SV2C: variants seen among roughly 807,000 people sequenced by gnomAD.
The protein encoded by SV2C is solute carrier family 22 member B3.
In SV2C, 49 loss-of-function variants were observed where a neutral mutation model predicts 79.7. That is an observed-to-expected ratio of 0.61 (90% CI 0.49 to 0.78). SV2C has a LOEUF of 0.78. Among genes scored for constraint, SV2C ranks in the 30% least tolerant of loss-of-function variants. SV2C has a pLI of 0.00. For synonymous variants in SV2C, 334 were observed against 333.2 expected (o/e 1.00, Z -0.03); for missense variants, 833 against 912.9 (o/e 0.91, Z 1.13).
At chr5:75,975,104 C>A in the SV2C span, among the ~76,000 whole-genome samples, 1 of 152,112 alleles carries the variant, frequency 6.6e-6, no homozygotes, top group Non-Finnish European at 1.5e-5. Context: ...AGAAAGCATG[C>A]GACATCTGAC....
chr5:75,904,225 A>G, the SV2C span, among the ~76,000 whole-genome samples: 1 of 152,154 alleles, frequency 6.6e-6, no homozygotes, highest in South Asian at 2.1e-4. Flanking sequence ...ATATAAAAAT[A>G]TCATTTATTT....
At chr5:76,231,036 G>A (rs983345833) in intron 4 of SV2C, among the ~76,000 whole-genome samples, 1 of 152,188 alleles carries the variant, frequency 6.6e-6, no homozygotes, top group Admixed American at 6.5e-5. Flanking sequence ...CTCTCTGAAT[G>A]AAATTTCTCT....
the SV2C span, among the ~76,000 whole-genome samples, chr5:75,955,016 A>G: frequency 2.0e-5 from 3 of 147,138 alleles, no homozygotes; most frequent in Non-Finnish European, 1.5e-5. Context: ...GCTACCAATG[A>G]CTTTCTTCAC....
intron 12 of SV2C, among the ~76,000 whole-genome samples, chr5:76,308,222 G>A (rs1398569575): frequency 6.6e-6 from 1 of 152,144 alleles, no homozygotes; most frequent in African/African-American, 2.4e-5. Flanking sequence ...ATTACCAGGT[G>A]GACGTAGAAG....
downstream of SV2C, among the ~76,000 whole-genome samples, chr5:76,336,532 C>G (rs1487819287): frequency 1.3e-5 from 2 of 152,182 alleles, no homozygotes; most frequent in Non-Finnish European, 2.9e-5. Context: ...CCCGGGAGGC[C>G]AAGGCAGGCG....
At chr5:76,179,327 T>C (rs1743646503) in intron 2 of SV2C, among the ~76,000 whole-genome samples, 1 of 152,208 alleles carries the variant, frequency 6.6e-6, no homozygotes, top group African/African-American at 2.4e-5. Flanking sequence ...CAATGGTTTT[T>C]AACGTGCCTT....
At chr5:75,889,252 C>G in the SV2C span, among the ~76,000 whole-genome samples, 2 of 144,218 alleles carry the variant, frequency 1.4e-5, no homozygotes, top group African/African-American at 5.2e-5. Context: ...CCTCCCCCAG[C>G]CCCCCACCCC....
At chr5:75,995,741 C>A in the SV2C span, among the ~76,000 whole-genome samples, 1 of 152,090 alleles carries the variant, frequency 6.6e-6, no homozygotes, top group Non-Finnish European at 1.5e-5. Flanking sequence ...CTGGCTCCAA[C>A]TGTTATAAGC....
At chr5:75,953,894 T>C in the SV2C span, among the ~76,000 whole-genome samples, 1 of 152,006 alleles carries the variant, frequency 6.6e-6, no homozygotes, top group African/African-American at 2.4e-5. Flanking sequence ...TATACCAGTG[T>C]TTCCTGCACC....
intron 1 of SV2C, among the ~76,000 whole-genome samples, chr5:76,121,828 C>G (rs1317162349): frequency 6.6e-6 from 1 of 151,648 alleles, no homozygotes. Context: ...GTTCTTTTGG[C>G]TTAGGATTGA....
the SV2C span, among the ~76,000 whole-genome samples, chr5:75,923,199 A>G: frequency 1.3e-4 from 20 of 152,244 alleles, no homozygotes; most frequent in Non-Finnish European, 5.9e-5. Context: ...TGGTGCTGGG[A>G]AAACTGGCAA....
intron 3 of SV2C, among the ~76,000 whole-genome samples, chr5:76,203,938 T>C (rs989726083): frequency 6.6e-6 from 1 of 152,230 alleles, no homozygotes; most frequent in African/African-American, 2.4e-5. Context: ...GTTACCAGTA[T>C]GTGTTTTTCT....
the SV2C span, among the ~76,000 whole-genome samples, chr5:75,902,710 T>G: frequency 0.05 from 7,653 of 152,028 alleles, 622 homozygotes; most frequent in African/African-American, 0.17. Flanking sequence ...CCCTTTGGAC[T>G]CTAACATTAT....
intron 2 of SV2C, among the ~76,000 whole-genome samples, chr5:76,150,429 G>A (rs766298099): frequency 4.6e-5 from 7 of 151,910 alleles, no homozygotes; most frequent in Non-Finnish European, 8.8e-5. Context: ...GCCCACCTTG[G>A]CCTCCCAAAA....
chr5:76,173,970 T>C (rs1694433871), intron 2 of SV2C: 2 of 1,560,084 alleles, frequency 1.3e-6, no homozygotes, highest in Admixed American at 1.7e-5. Flanking sequence ...CCATTTTTCA[T>C]GTATAAATCC....
At chr5:75,848,967 A>G in the SV2C span, among the ~76,000 whole-genome samples, 3 of 152,254 alleles carry the variant, frequency 2.0e-5, no homozygotes, top group Non-Finnish European at 4.4e-5. Flanking sequence ...TATACATTAA[A>G]TATTCGGCAC....
chr5:76,213,601 G>A (rs1744832939), intron 4 of SV2C, among the ~76,000 whole-genome samples: 1 of 151,934 alleles, frequency 6.6e-6, no homozygotes, highest in Non-Finnish European at 1.5e-5. Context: ...ATTTTTTTCA[G>A]CTTTATTGAG....
chr5:76,230,333 A>G (rs895879727), intron 4 of SV2C, among the ~76,000 whole-genome samples: 2 of 152,208 alleles, frequency 1.3e-5, no homozygotes, highest in African/African-American at 4.8e-5. Flanking sequence ...TATTTGCACA[A>G]TGCTGTATCA....
chr5:76,255,740 G>A (rs1052698950), intron 4 of SV2C, among the ~76,000 whole-genome samples: 6 of 152,008 alleles, frequency 3.9e-5, no homozygotes, highest in Non-Finnish European at 7.4e-5. Flanking sequence ...CACCTTATGC[G>A]CCCCCCTCAC....
Sources: gnomAD v4.1 joint callset for allele counts (sites outside exome capture counted in the v4.1 genomes callset) on GRCh38, gnomAD v4.1.1 for gene constraint, MANE v1.5 for transcripts, NCBI Gene and HGNC (gene_info 2026-07-23, HGNC 2026-07-21) for gene names.